Variants in TMEM108 observed in about 807,000 individuals in gnomAD.
TMEM108 encodes the protein cancer/testis antigen 124.
Under a neutral mutation model 35.1 loss-of-function variants are expected in TMEM108, and 12 were observed. The ratio of observed to expected loss-of-function variants is 0.34; its 90% CI spans 0.22 to 0.55. The LOEUF is 0.55. TMEM108 is among the 20% of genes least tolerant of loss of function. TMEM108 has a pLI of 0.89. For missense variants in TMEM108, 680 were observed against 753.3 expected, an observed-to-expected ratio of 0.90 and a Z score of 1.14; for synonymous variants, 287 against 308.6, an observed-to-expected ratio of 0.93 and a Z score of 0.73.
At chr3:133,349,019 A>G (rs531691548) in intron 3 of TMEM108, among the ~76,000 whole-genome samples, 2 of 152,268 alleles carry the variant, frequency 1.3e-5, no homozygotes, top group Non-Finnish European at 2.9e-5. Flanking sequence ...GCCTTGACAT[A>G]TTAAAAAATA....
At chr3:133,329,464 G>A (rs1374676234) in intron 3 of TMEM108, among the ~76,000 whole-genome samples, 1 of 152,142 alleles carries the variant, frequency 6.6e-6, no homozygotes, top group African/African-American at 2.4e-5. Context: ...TCTTGTCCCG[G>A]CAGTCAGGAT....
chr3:133,146,661 A>G (rs1167193692), intron 2 of TMEM108, among the ~76,000 whole-genome samples: 1 of 152,212 alleles, frequency 6.6e-6, no homozygotes, highest in African/African-American at 2.4e-5. Context: ...TGGTCTATTC[A>G]GGGATTCGAC....
chr3:133,151,269 G>C (rs1944796936), intron 2 of TMEM108, among the ~76,000 whole-genome samples: 1 of 152,108 alleles, frequency 6.6e-6, no homozygotes, highest in African/African-American at 2.4e-5. Context: ...GAACATGTTT[G>C]TTTTGTTGTA....
intron 3 of TMEM108, chr3:133,303,124 C>T (rs986806556): frequency 6.6e-6 from 1 of 152,164 alleles, no homozygotes; most frequent in Non-Finnish European, 1.5e-5. Context: ...TCATCTTCAA[C>T]TTTACTGTAT....
At chr3:133,238,214 C>T (rs1946266354) in intron 3 of TMEM108, among the ~76,000 whole-genome samples, 2 of 152,172 alleles carry the variant, frequency 1.3e-5, no homozygotes, top group Admixed American at 6.6e-5. Context: ...AAATATTTAG[C>T]TCTGATTATA....
intron 2 of TMEM108, among the ~76,000 whole-genome samples, chr3:133,073,904 T>A (rs574108704): frequency 6.6e-6 from 1 of 152,196 alleles, no homozygotes; most frequent in East Asian, 1.9e-4. Context: ...CCTTGATGAT[T>A]AGTAATGTAG....
chr3:133,295,784 C>T (rs779772439), intron 3 of TMEM108, among the ~76,000 whole-genome samples: 1 of 152,122 alleles, frequency 6.6e-6, no homozygotes, highest in Non-Finnish European at 1.5e-5. Flanking sequence ...CATGGGAAAA[C>T]GTAATTACAG....
intron 4 of TMEM108, chr3:133,388,916 C>T: frequency 3.0e-6 from 3 of 985,624 alleles, no homozygotes; most frequent in Non-Finnish European, 3.6e-6. Context: ...TCTGCCAACC[C>T]CCGGTGCTGG....
At chr3:133,391,324 G>A (rs1559950075) in intron 5 of TMEM108, among the ~76,000 whole-genome samples, 1 of 152,178 alleles carries the variant, frequency 6.6e-6, no homozygotes, top group Non-Finnish European at 1.5e-5. Flanking sequence ...GATGGCCCAG[G>A]AGAAAGATAA....
intron 3 of TMEM108, among the ~76,000 whole-genome samples, chr3:133,311,627 C>T (rs935831071): frequency 2.6e-5 from 4 of 152,144 alleles, no homozygotes; most frequent in East Asian, 1.9e-4. Flanking sequence ...CTTTTTTCAA[C>T]GTTTTTAGCT....
At position 133,073,428 on chromosome 3, in the gene TMEM108, G is replaced by A. The variant is rs1406512238; in HGVS notation, c.-47+27408G>A. Among the ~76,000 whole-genome samples, 3 of 141,082 alleles carry A rather than the reference G, an allele frequency of 2.1e-5. No homozygotes were observed. The East Asian group carries it at 6.2e-4, about 29-fold the overall frequency. The allele number at this position is 141,082 out of a possible 152,430, so 92.6% of individuals were successfully genotyped here. A position where few individuals can be genotyped will look rare whatever the true frequency, so the allele number is the denominator to read the frequency against. On this transcript the variant is annotated intron_variant, in intron 2 of 5. Transcript: ENST00000321871. ...TCACTTAACATAGTGTCTTGTCCAT[G>A]TTGTTGCAAATGACAGGATTCTCTT...
chr3:133,239,516 A>T (rs550751006), intron 3 of TMEM108, among the ~76,000 whole-genome samples: 21 of 152,274 alleles, frequency 1.4e-4, no homozygotes, highest in Admixed American at 1.1e-3. Context: ...GCATCCAGTG[A>T]TTCTGATGCG....
chr3:133,160,232 C>T (rs749816190), intron 2 of TMEM108, among the ~76,000 whole-genome samples: 2 of 152,184 alleles, frequency 1.3e-5, no homozygotes, highest in Non-Finnish European at 2.9e-5. Flanking sequence ...TAGAAAGCGG[C>T]GCTGCTGCGA....
intron 3 of TMEM108, among the ~76,000 whole-genome samples, chr3:133,310,530 CTTTTTTTTTT>C (rs59215786): frequency 9.0e-5 from 2 of 22,210 alleles, no homozygotes; most frequent in African/African-American, 3.1e-4. Flanking sequence ...GCAACCCCTG[CTTTTTTTTTT>C]TTTTTTTTTT....
In TMEM108 at chr3:133,395,864, G is replaced by T; in HGVS notation, c.1606G>T (p.Asp536Tyr). The change falls in exon 6 of 6, where the codon GAC (aspartate) becomes TAC (tyrosine). Residue 536 changes from aspartate to tyrosine, a missense_variant and splice_region_variant. Asp to Tyr is a radical substitution (Grantham distance 160, BLOSUM62 -3). This residue lies in a region of TMEM108 where 105 missense variants were observed against 150.7 expected (regional missense o/e 0.70). Coordinates refer to ENST00000321871, the MANE Select transcript of TMEM108 (RefSeq NM_023943.4). The stretch of plus-strand genomic sequence containing the variant: ...CCATCTCCTCCCTCTCTCTTCCCAG[G>T]ACCAGCTCTCAGAGCCCCGCTCCCC... Reference protein sequence around the residue: ...REIQSLETSEDQLSEPRSPAN... With the variant: ...REIQSLETSEYQLSEPRSPAN... 1 of 1,581,322 alleles carries T rather than the reference G, an allele frequency of 6.3e-7. No individual in the cohort carries two copies. The highest frequency in any genetic ancestry group is 1.2e-5 in the South Asian group (1 of 85,602).
At chr3:133,304,200 A>G (rs1001423835) in intron 3 of TMEM108, among the ~76,000 whole-genome samples, 2 of 152,206 alleles carry the variant, frequency 1.3e-5, no homozygotes, top group African/African-American at 4.8e-5. Context: ...CCTCATGTGT[A>G]TAATACGGCT....
At chr3:133,308,040 C>A (rs993473570) in intron 3 of TMEM108, among the ~76,000 whole-genome samples, 1 of 152,064 alleles carries the variant, frequency 6.6e-6, no homozygotes, top group Non-Finnish European at 1.5e-5. Flanking sequence ...TTTCATTGAG[C>A]AGTGGTTTGT....
At chr3:133,160,890 T>C (rs1559851760) in intron 2 of TMEM108, among the ~76,000 whole-genome samples, 1 of 152,224 alleles carries the variant, frequency 6.6e-6, no homozygotes, top group Non-Finnish European at 1.5e-5. Flanking sequence ...AAGCATGATG[T>C]CTGACATTGA....
chr3:133,271,725 C>T (rs918002451), intron 3 of TMEM108, among the ~76,000 whole-genome samples: 7 of 152,144 alleles, frequency 4.6e-5, no homozygotes, highest in African/African-American at 1.4e-4. Context: ...TTGGAGCCTA[C>T]ATTTACAAAC....
Sources: allele counts gnomAD v4.1 joint callset (sites outside exome capture counted in the v4.1 genomes callset), GRCh38; gene constraint gnomAD v4.1.1; regional missense constraint gnomAD v4.1.1; transcripts MANE v1.5; gene names NCBI Gene and HGNC (gene_info 2026-07-23, HGNC 2026-07-21).